The following DEF8 variants were observed in gnomAD, a reference collection of about 807,000 sequenced individuals.
DEF8 encodes the protein DEF-8.
Under a neutral mutation model 59.1 loss-of-function variants are expected in DEF8, and 38 were observed. That is an observed-to-expected ratio of 0.64 (90% CI 0.50 to 0.84). The LOEUF is 0.84. Among genes scored for constraint, DEF8 ranks in the 40% least tolerant of loss-of-function variants. The pLI is 0.00. For missense variants in DEF8, 557 were observed against 615.2 expected (o/e 0.91, Z 1.00); for synonymous variants, 265 against 250.1 (o/e 1.06, Z -0.56).
At chr16:89,952,912 C>T (rs1371151763) in intron 2 of DEF8, among the ~76,000 whole-genome samples, 2 of 152,190 alleles carry the variant, frequency 1.3e-5, no homozygotes, top group Non-Finnish European at 2.9e-5. Flanking sequence ...GTTGGGGTGG[C>T]CTCCTTATCC....
At chr16:89,949,679 C>A in intron 2 of DEF8, 166 bp downstream of exon 2, 1 of 1,556,770 alleles carries the variant, frequency 6.4e-7, no homozygotes, top group Non-Finnish European at 8.7e-7. Context: ...GCCCAGGGTC[C>A]CTCCGTGCCC....
At chr16:89,960,679 G>A (rs964259843) in intron 6 of DEF8, among the ~76,000 whole-genome samples, 3 of 152,168 alleles carry the variant, frequency 2.0e-5, no homozygotes, top group African/African-American at 7.2e-5. Flanking sequence ...GTCTGGTGGT[G>A]GGAGTGGCAG....
intron 2 of DEF8, among the ~76,000 whole-genome samples, chr16:89,950,505 C>G (rs1389221334): frequency 6.6e-6 from 1 of 152,002 alleles, no homozygotes; most frequent in African/African-American, 2.4e-5. Flanking sequence ...TCTCCTGCCT[C>G]AGCTTCCCAA....
chr16:89,949,694 A>G, intron 2 of DEF8, 181 bp downstream of exon 2: 10 of 1,508,240 alleles, frequency 6.6e-6, no homozygotes, highest in Non-Finnish European at 9.0e-6. Context: ...GTGCCCCGGA[A>G]CCCCGCCGGC....
rs762212357 is a variant in DEF8 at position 89,964,525 on chromosome 16, G to A, written c.1203G>A (p.Pro401=). 11 of 1,596,138 alleles carry A rather than the reference G, an allele frequency of 6.9e-6. No homozygotes were observed. Among genetic ancestry groups the A allele is most frequent in the African/African-American group, 5.4e-5 (4 of 74,424 alleles). ...GCAGAGAGGGCGACGTGCTGTTCCC[G>A]TTCGACAGCCACACGTCTGTGTGCG... ...ELCREGDVLF[P]FDSHTSVCAD... The change falls in exon 12 of 13, where the codon CCG becomes CCA. Residue 401 remains proline, a synonymous_variant. Coordinates refer to ENST00000563594, the MANE Select transcript of DEF8 (RefSeq NM_001242818.2).
intron 6 of DEF8, 50 bp downstream of exon 6, chr16:89,959,205 C>G: frequency 6.2e-7 from 1 of 1,611,184 alleles, no homozygotes. Context: ...ACCAAAGTTC[C>G]TGCCTCCGCT....
chr16:89,951,155 A>G (rs1375763899), intron 2 of DEF8, among the ~76,000 whole-genome samples: 1 of 152,170 alleles, frequency 6.6e-6, no homozygotes, highest in Admixed American at 6.5e-5. Flanking sequence ...ACGTTTATCC[A>G]CTTACCCAAG....
intron 2 of DEF8, chr16:89,952,742 C>T (rs762705692): frequency 1.3e-5 from 2 of 152,284 alleles, no homozygotes; most frequent in Non-Finnish European, 2.9e-5. Flanking sequence ...TTCCCCGTGC[C>T]TCCCTGTTGG....
intron 2 of DEF8, among the ~76,000 whole-genome samples, chr16:89,952,396 G>A (rs560397533): frequency 4.6e-5 from 7 of 152,320 alleles, no homozygotes; most frequent in South Asian, 2.1e-4. Context: ...GTGGATGGAA[G>A]GGCTAAGCAC....
chr16:89,948,857 G>A, intron 1 of DEF8, 43 bp downstream of exon 1: 1 of 762,800 alleles, frequency 1.3e-6, no homozygotes, highest in Non-Finnish European at 1.5e-6. Flanking sequence ...GGCGGGGACG[G>A]GGCCGGCGGG....
chr16:89,962,864 C>G (rs2151209867), intron 9 of DEF8, among the ~76,000 whole-genome samples: 1 of 152,368 alleles, frequency 6.6e-6, no homozygotes, highest in African/African-American at 2.4e-5. Flanking sequence ...TGCTCTGTGG[C>G]TGTGCAGGGC....
chr16:89,952,745 C>T (rs1055314760), intron 2 of DEF8: 1 of 152,256 alleles, frequency 6.6e-6, no homozygotes, highest in African/African-American at 2.4e-5. Context: ...CCCGTGCCTC[C>T]CTGTTGGGGT....
chr16:89,959,373 G>C, intron 6 of DEF8: 1 of 1,429,126 alleles, frequency 7.0e-7, no homozygotes, highest in South Asian at 1.5e-5. Flanking sequence ...TACATGGTGT[G>C]TCTAGTTTGT....
At chr16:89,949,555 G>A in intron 2 of DEF8, 42 bp downstream of exon 2, 1 of 1,613,424 alleles carries the variant, frequency 6.2e-7, no homozygotes, top group Non-Finnish European at 8.5e-7. Context: ...ACACCGGGGT[G>A]ACTTCTCAGG....
chr16:89,949,331 G>C, intron 1 of DEF8, 86 bp from the exon 2 acceptor site: 1 of 1,106,036 alleles, frequency 9.0e-7, no homozygotes, highest in Non-Finnish European at 1.3e-6. Context: ...GGAGAGACCT[G>C]CCCCCGAGGA....
chr16:89,963,750 T>G, intron 10 of DEF8: 4 of 509,660 alleles, frequency 7.8e-6, no homozygotes, highest in Non-Finnish European at 1.4e-5. Context: ...GCTCAACAGA[T>G]ACAGATGTTC....
rs976065922 is a variant in DEF8, at chr16:89,967,429, G to A, written c.*1466G>A. Reference sequence around the variant, plus strand: ...AAGGGGATGGTGTCCACTCCCCACTGTGGTGGCTTTAGGCAAGGTTCTTAT... The same window carrying A: ...AAGGGGATGGTGTCCACTCCCCACTATGGTGGCTTTAGGCAAGGTTCTTAT... On this transcript the variant is annotated 3_prime_UTR_variant, in exon 13 of 13. Transcript: ENST00000563594. 5 of 398,552 alleles carry A rather than the reference G, an allele frequency of 1.3e-5. No individual in the cohort carries two copies. Among genetic ancestry groups the A allele is most frequent in the African/African-American group, 6.2e-5 (3 of 48,644 alleles). 24.7% of individuals were successfully genotyped at this position (398,552 alleles called of 1,614,324 possible).
chr16:89,955,326 C>G (rs931091158), intron 4 of DEF8, 60 bp downstream of exon 4: 2 of 1,447,094 alleles, frequency 1.4e-6, no homozygotes, highest in Non-Finnish European at 1.9e-6. Context: ...CAGGAAGGGC[C>G]AGGGTTTCCT....
At chr16:89,961,358 G>A (rs1004266489) in intron 7 of DEF8, among the ~76,000 whole-genome samples, 3 of 152,210 alleles carry the variant, frequency 2.0e-5, no homozygotes, top group Admixed American at 6.5e-5. Context: ...CCGCCTCCCC[G>A]TGTGAAAGCC....
Sources: allele counts gnomAD v4.1 joint callset (sites outside exome capture counted in the v4.1 genomes callset), GRCh38; gene constraint gnomAD v4.1.1; transcripts MANE v1.5; gene names NCBI Gene and HGNC (gene_info 2026-07-23, HGNC 2026-07-21).